The following PAPPA2 variants were observed in gnomAD, a reference collection of about 807,000 sequenced individuals.
The protein encoded by PAPPA2 is pappalysin 2.
In PAPPA2, 86 loss-of-function variants were observed where a neutral mutation model predicts 176.4. The ratio of observed to expected loss-of-function variants is 0.49; its 90% CI spans 0.41 to 0.58. PAPPA2 has a LOEUF of 0.58. Ranked by LOEUF, PAPPA2 falls within the 20% of genes least tolerant of loss-of-function variation. The probability of loss-of-function intolerance (pLI) is 0.00; values close to 1 mark genes in which losing one functional copy is unlikely to be tolerated. For synonymous variants in PAPPA2, 809 were observed against 852.2 expected (o/e 0.95, Z 0.88); for missense variants, 2,073 against 2,256.9 (o/e 0.92, Z 1.65).
intron 3 of PAPPA2, among the ~76,000 whole-genome samples, chr1:176,624,475 G>T (rs1056012669): frequency 1.4e-4 from 22 of 152,166 alleles, no homozygotes; most frequent in Admixed American, 6.5e-5. Context: ...TACATTAAAT[G>T]CATGCCGATT....
chr1:176,741,580 G>A (rs1390749099), intron 14 of PAPPA2, among the ~76,000 whole-genome samples: 1 of 152,130 alleles, frequency 6.6e-6, no homozygotes, highest in Non-Finnish European at 1.5e-5. Context: ...AAATGAGTCA[G>A]TAAGTTCAGT....
At chr1:176,812,978 T>C (rs1666222433) in intron 21 of PAPPA2, among the ~76,000 whole-genome samples, 1 of 152,062 alleles carries the variant, frequency 6.6e-6, no homozygotes, top group Non-Finnish European at 1.5e-5. Context: ...GTGTGTGTTG[T>C]TCCCCCATTC....
intron 3 of PAPPA2, among the ~76,000 whole-genome samples, chr1:176,615,639 A>G (rs1203434579): frequency 1.3e-5 from 2 of 152,118 alleles, no homozygotes. Flanking sequence ...GAGGTTTTTA[A>G]TAAAAGCACA....
At chr1:176,732,314 A>G (rs1441618743) in intron 12 of PAPPA2, among the ~76,000 whole-genome samples, 1 of 152,180 alleles carries the variant, frequency 6.6e-6, no homozygotes, top group Non-Finnish European at 1.5e-5. Context: ...GAAAATATAC[A>G]CTCAGAAGAC....
chr1:176,656,111 C>T (rs987000372), intron 3 of PAPPA2, among the ~76,000 whole-genome samples: 8 of 151,542 alleles, frequency 5.3e-5, no homozygotes, highest in African/African-American at 1.9e-4. Context: ...TTTGCTGGTT[C>T]CCTGAGCACA....
At chr1:176,741,132 A>G (rs775685946) in intron 14 of PAPPA2, among the ~76,000 whole-genome samples, 1 of 152,172 alleles carries the variant, frequency 6.6e-6, no homozygotes, top group Non-Finnish European at 1.5e-5. Flanking sequence ...GCTGAACACC[A>G]TAAACATTAT....
At position 176,608,997 on chromosome 1, in the gene PAPPA2, T is replaced by A. The variant is rs551656480; in HGVS notation, c.1991+13402T>A. On this transcript the variant is annotated intron_variant, in intron 3 of 22. Coordinates refer to ENST00000367662, the MANE Select transcript of PAPPA2 (RefSeq NM_020318.3). ...ATTGAATATTGAATATTTGAGTAAT[T>A]ATTCAGAAAACTAATCTGGAGGCAG... Among the ~76,000 whole-genome samples the A allele has an allele frequency of 9.8e-5, 15 of 152,354 alleles. No homozygotes were observed. The South Asian group carries it at 2.9e-3, about 29-fold the overall frequency.
At chr1:176,830,749 G>A (rs540514931) in intron 21 of PAPPA2, among the ~76,000 whole-genome samples, 2 of 152,322 alleles carry the variant, frequency 1.3e-5, no homozygotes, top group South Asian at 4.1e-4. Flanking sequence ...CTGCAATGGG[G>A]ACAGTGAGGT....
intron 22 of PAPPA2, among the ~76,000 whole-genome samples, chr1:176,841,939 T>C (rs995148276): frequency 6.6e-6 from 1 of 152,146 alleles, no homozygotes; most frequent in Non-Finnish European, 1.5e-5. Flanking sequence ...CCCACATCTC[T>C]TGCCCTTCCC....
At chr1:176,513,896 G>A (rs1048317731) in intron 1 of PAPPA2, among the ~76,000 whole-genome samples, 11 of 152,092 alleles carry the variant, frequency 7.2e-5, no homozygotes, top group South Asian at 6.2e-4. Flanking sequence ...CATGCTGTCC[G>A]AGGAGTCATG....
rs1478588927 is a variant in PAPPA2 at position 176,735,734 on chromosome 1, ATCT to A, written c.3799-3891_3799-3889del. On this transcript the variant is annotated intron_variant, in intron 12 of 22. Coordinates refer to ENST00000367662, the MANE Select transcript of PAPPA2 (RefSeq NM_020318.3). ...TATCTATCTATCTATCTATCTATCT[ATCT>A]ATCATCTATCTGTCTGTCTATCTCT... 4.0e-5 allele frequency among the ~76,000 whole-genome samples: 5 copies of A among 126,506 alleles called. No homozygotes were observed. In the East Asian group the frequency reaches 6.7e-4, roughly 17 times the overall value. The allele number at this position is 126,506 out of a possible 152,430, so 83.0% of individuals were successfully genotyped here.
At chr1:176,774,700 C>G (rs924570804) in intron 17 of PAPPA2, among the ~76,000 whole-genome samples, 3 of 152,174 alleles carry the variant, frequency 2.0e-5, no homozygotes, top group Non-Finnish European at 4.4e-5. Context: ...CTTCAAAAAA[C>G]TCAAATCCAA....
intron 2 of PAPPA2, among the ~76,000 whole-genome samples, chr1:176,571,910 C>T (rs930238727): frequency 2.0e-5 from 3 of 152,172 alleles, no homozygotes; most frequent in African/African-American, 7.2e-5. Flanking sequence ...GCCACATACT[C>T]AGGGTATGGG....
At chr1:176,709,782 C>G (rs1264667252) in intron 10 of PAPPA2, among the ~76,000 whole-genome samples, 2 of 151,984 alleles carry the variant, frequency 1.3e-5, no homozygotes, top group Non-Finnish European at 2.9e-5. Flanking sequence ...ACCTTTCTCC[C>G]AATGAGAAAA....
chr1:176,489,453 G>A (rs1365710631), intron 1 of PAPPA2, among the ~76,000 whole-genome samples: 1 of 152,166 alleles, frequency 6.6e-6, no homozygotes, highest in Non-Finnish European at 1.5e-5. Flanking sequence ...AACATGCTTT[G>A]GAGATATTAC....
chr1:176,539,685 G>A (rs889061093), intron 1 of PAPPA2, among the ~76,000 whole-genome samples: 42 of 152,158 alleles, frequency 2.8e-4, no homozygotes, highest in African/African-American at 9.7e-4. Context: ...TGTGCACTAG[G>A]AAGTGGGTGC....
chr1:176,627,015 C>A (rs1656065794), intron 3 of PAPPA2, among the ~76,000 whole-genome samples: 1 of 151,488 alleles, frequency 6.6e-6, no homozygotes, highest in South Asian at 2.1e-4. Context: ...AGTCGACATG[C>A]CCGGCTTGTT....
intron 6 of PAPPA2, among the ~76,000 whole-genome samples, chr1:176,694,648 G>A (rs1056916905): frequency 2.4e-4 from 36 of 152,192 alleles, no homozygotes; most frequent in Non-Finnish European, 4.9e-4. Context: ...TCAGAGGCAA[G>A]CCCCTTGAAG....
At chr1:176,811,434 AT>A (rs1332604938) in intron 21 of PAPPA2, among the ~76,000 whole-genome samples, 3 of 151,974 alleles carry the variant, frequency 2.0e-5, no homozygotes, top group Non-Finnish European at 2.9e-5. Flanking sequence ...TTCAGGGCTG[AT>A]TTTTCTTTTA....
Sources: gnomAD v4.1 joint callset for allele counts (sites outside exome capture counted in the v4.1 genomes callset) on GRCh38, gnomAD v4.1.1 for gene constraint, MANE v1.5 for transcripts, NCBI Gene and HGNC (gene_info 2026-07-23, HGNC 2026-07-21) for gene names.